The following VAMP2 variants were observed in gnomAD, a reference collection of about 807,000 sequenced individuals.
VAMP2 encodes vesicle-associated membrane protein 2.
For synonymous variants in VAMP2, 67 were observed against 57.3 expected (o/e 1.17, Z -0.76); for missense variants, 95 against 151.3 (o/e 0.63, Z 1.95).
At chr17:8,162,786 C>G in intron 1 of VAMP2, 92 bp downstream of exon 1, 5 of 1,227,976 alleles carry the variant, frequency 4.1e-6, no homozygotes, top group Non-Finnish European at 5.1e-6. Flanking sequence ...GCGGGGAACG[C>G]AGGAGAGACC....
Position 8,161,499 on chromosome 17 carries a change from C to G in VAMP2, c.308G>C (p.Cys103Ser), listed in dbSNP as rs1249267402. 6.2e-7 allele frequency: 1 copy of G among 1,614,156 alleles called. No individual in the cohort carries two copies. Among genetic ancestry groups the G allele is most frequent in the South Asian group, 1.1e-5 (1 of 91,084 alleles). ...TATGATGATGATGAGGATGATGGCGCAAATCACTCCCAAGATGATCATCAT... is the reference window on the plus strand; with the variant it reads ...TATGATGATGATGAGGATGATGGCGGAAATCACTCCCAAGATGATCATCAT... ...LKMMIILGVICAIILIIIIVY... is the reference protein window; with the variant it reads ...LKMMIILGVISAIILIIIIVY... The change falls in exon 4 of 5, where the codon TGC (cysteine) becomes TCC (serine). Residue 103 changes from cysteine to serine, a missense_variant. Transcript: ENST00000316509.
rs745656907 is a variant in VAMP2 at position 8,162,236 on chromosome 17, C to T, written c.123+13G>A. The T allele has an allele frequency of 6.5e-7, 1 of 1,529,980 alleles. No individual in the cohort carries two copies. The highest frequency in any genetic ancestry group is 8.7e-7 in the Non-Finnish European group (1 of 1,143,478). The allele number at this position is 1,529,980 out of a possible 1,614,324, so 94.8% of individuals were successfully genotyped here. ...GGGTCCCTCCTACTGCTTTTGACTCCCCCCACACTCACCTCATCCACCTGG... is the reference window on the plus strand; with the variant it reads ...GGGTCCCTCCTACTGCTTTTGACTCTCCCCACACTCACCTCATCCACCTGG... On this transcript the variant is annotated intron_variant, in intron 2 of 4. Transcript: ENST00000316509.
chr17:8,161,343 A>C, intron 4 of VAMP2, 130 bp downstream of exon 4: 1 of 1,325,532 alleles, frequency 7.5e-7, no homozygotes, highest in Non-Finnish European at 1.0e-6. Context: ...TAGATGAATC[A>C]GAATTGCCAT....
intron 4 of VAMP2, 200 bp downstream of exon 4, chr17:8,161,273 T>C: frequency 1.3e-6 from 1 of 771,332 alleles, no homozygotes; most frequent in Non-Finnish European, 2.0e-6. Flanking sequence ...TTCCAAATGT[T>C]AACAAGACTG....
intron 4 of VAMP2, 114 bp from the exon 5 acceptor site, chr17:8,160,985 G>T: frequency 1.1e-6 from 1 of 892,636 alleles, no homozygotes. Flanking sequence ...TCCCCAGCTG[G>T]CTGACACCCT....
At chr17:8,161,839 C>A in intron 2 of VAMP2, 73 bp from the exon 3 acceptor site, 2 of 1,564,464 alleles carry the variant, frequency 1.3e-6, no homozygotes, top group East Asian at 2.3e-5. Context: ...CAAACATGTG[C>A]CCACCGTGCC....
chr17:8,161,592 C>T lies in VAMP2; in HGVS notation c.282+16G>A. ...CCCATTCACCCACCTGTCCTCCTTC[C>T]TGTCCCCACCCTTACCTTGAGGTTT... On this transcript the variant is annotated intron_variant, in intron 3 of 4. Transcript: ENST00000316509. 1 of 1,613,950 alleles carries T rather than the reference C, an allele frequency of 6.2e-7. No homozygotes were observed. Among genetic ancestry groups the T allele is most frequent in the Non-Finnish European group, 8.5e-7 (1 of 1,179,820 alleles).
intron 1 of VAMP2, 44 bp from the exon 2 acceptor site, chr17:8,162,413 C>G (rs550665414): frequency 4.4e-6 from 7 of 1,604,008 alleles, no homozygotes; most frequent in Admixed American, 3.4e-5. Flanking sequence ...TGCAGCCTCC[C>G]GGCCCCGCAG....
At chr17:8,162,200 G>A (rs767278188) in intron 2 of VAMP2, 49 bp downstream of exon 2, 8 of 1,498,870 alleles carry the variant, frequency 5.3e-6, no homozygotes, top group Middle Eastern at 3.6e-4. Flanking sequence ...ACACCTATAC[G>A]CCAACCCCCA....
rs1983282492 is a variant in VAMP2, at chr17:8,160,714, A to G, written c.*141T>C. On this transcript the variant is annotated 3_prime_UTR_variant, in exon 5 of 5. Transcript: ENST00000316509. Reference sequence around the variant, plus strand: ...ATATATGTATAAATAACAGCTGGCTATTTACAGGGGGACACACACACGGAC... The same window carrying G: ...ATATATGTATAAATAACAGCTGGCTGTTTACAGGGGGACACACACACGGAC... 3 of 618,870 alleles carry G rather than the reference A, an allele frequency of 4.8e-6. No homozygotes were observed. The highest frequency in any genetic ancestry group is 5.9e-5 in the Admixed American group (2 of 34,118). 38.3% of individuals were successfully genotyped at this position (618,870 alleles called of 1,614,324 possible). A position where few individuals can be genotyped will look rare whatever the true frequency, so the allele number is the denominator to read the frequency against.
In VAMP2 at chr17:8,161,672, C is replaced by T; in HGVS notation, c.218G>A (p.Gly73Glu). The T allele has an allele frequency of 6.2e-7, 1 of 1,614,198 alleles. No individual in the cohort carries two copies. Among genetic ancestry groups the T allele is most frequent in the Non-Finnish European group, 8.5e-7 (1 of 1,180,018 alleles). The change falls in exon 3 of 5, where the codon GGG becomes GAG. Residue 73 changes from glycine (G) to glutamate (E), a missense_variant. By Grantham distance (98) the Gly-to-Glu change is moderately conservative. Coordinates refer to ENST00000316509, the MANE Select transcript of VAMP2 (RefSeq NM_014232.3). The part of the protein sequence containing the change: ...LDDRADALQA[G>E]ASQFETSAAK... ...TGCGCTTGTTTCAAACTGGGAGGCCCCCGCCTGGAGTGCATCTGCACGGTC... is the reference window on the plus strand; with the variant it reads ...TGCGCTTGTTTCAAACTGGGAGGCCTCCGCCTGGAGTGCATCTGCACGGTC...
At chr17:8,161,328 G>A in intron 4 of VAMP2, 145 bp downstream of exon 4, 1 of 1,182,486 alleles carries the variant, frequency 8.5e-7, no homozygotes, top group Non-Finnish European at 1.2e-6. Context: ...CAAAGTTTTT[G>A]GCTCTAGATG....
chr17:8,161,838 G>A, intron 2 of VAMP2, 72 bp from the exon 3 acceptor site: 1 of 1,565,264 alleles, frequency 6.4e-7, no homozygotes, highest in East Asian at 2.3e-5. Context: ...TCAAACATGT[G>A]CCCACCGTGC....
At chr17:8,161,069 G>A in intron 4 of VAMP2, 198 bp from the exon 5 acceptor site, 4 of 558,602 alleles carry the variant, frequency 7.2e-6, no homozygotes, top group Middle Eastern at 4.8e-4. Flanking sequence ...TCCGCTCCAT[G>A]GTATGGCCTT....
intron 4 of VAMP2, 23 bp from the exon 5 acceptor site, chr17:8,160,894 T>A: frequency 1.3e-6 from 2 of 1,594,870 alleles, no homozygotes; most frequent in Non-Finnish European, 1.7e-6. Context: ...GGGAAGAAGA[T>A]GAGGAAGAGG....
In VAMP2 at chr17:8,160,762, G is replaced by T; in HGVS notation, c.*93C>A. 2 of 1,363,748 alleles carry T rather than the reference G, an allele frequency of 1.5e-6. No individual in the cohort carries two copies. Among genetic ancestry groups the T allele is most frequent in the Non-Finnish European group, 2.0e-6 (2 of 985,110 alleles). The allele number at this position is 1,363,748 out of a possible 1,614,324, so 84.5% of individuals were successfully genotyped here. On this transcript the variant is annotated 3_prime_UTR_variant, in exon 5 of 5. Transcript: ENST00000316509. ...GACACACACACACACGGATCCAGGG[G>T]AGTGGGGGCTGAAAGATATGGCTGA... is the stretch of plus-strand genomic sequence containing the variant.
At chr17:8,161,904 A>G in intron 2 of VAMP2, 138 bp from the exon 3 acceptor site, 1 of 1,351,500 alleles carries the variant, frequency 7.4e-7, no homozygotes, top group African/African-American at 1.4e-5. Flanking sequence ...GGACACACAG[A>G]ACATGCCTAG....
In VAMP2 at chr17:8,162,929, G is replaced by A. The variant is rs1983364499; in HGVS notation, c.-50C>T. 4 of 1,203,910 alleles carry A rather than the reference G, an allele frequency of 3.3e-6. No individual in the cohort carries two copies. Among genetic ancestry groups the A allele is most frequent in the Admixed American group, 4.4e-5 (1 of 22,638 alleles). 74.6% of individuals were successfully genotyped at this position (1,203,910 alleles called of 1,614,324 possible). Reference sequence around the variant, plus strand: ...TGGCAGCGGCAGTGATGGCGGCGGCGGCTCGCGCTGGCTCCGACTGGCGCT... The same window carrying A: ...TGGCAGCGGCAGTGATGGCGGCGGCAGCTCGCGCTGGCTCCGACTGGCGCT... On this transcript the variant is annotated 5_prime_UTR_variant, in exon 1 of 5. Coordinates refer to ENST00000316509, the MANE Select transcript of VAMP2 (RefSeq NM_014232.3).
At position 8,161,476 on chromosome 17, in the gene VAMP2, T is replaced by C; in HGVS notation, c.331A>G (p.Ile111Val). The C allele has an allele frequency of 6.2e-7, 1 of 1,611,434 alleles. No homozygotes were observed. Residue 111 changes from isoleucine (I) to valine (V), a missense_variant, in exon 4 of 5, where the codon ATA (isoleucine) becomes GTA (valine). Transcript: ENST00000316509. ...CGGCCATTCTCACCCTACTCACCTA[T>C]GATGATGATGAGGATGATGGCGCAA... ...VICAIILIIIIVYFST is the reference protein window; with the variant it reads ...VICAIILIIIVVYFST
Sources: gnomAD v4.1 joint callset for allele counts on GRCh38, gnomAD v4.1.1 for gene constraint, MANE v1.5 for transcripts, NCBI Gene and HGNC (gene_info 2026-07-23, HGNC 2026-07-21) for gene names.